Variants in TTC7B observed in about 807,000 individuals in gnomAD.
TTC7B encodes the protein tetratricopeptide repeat protein 7B.
TTC7B carries 28 observed loss-of-function variants against 106.8 expected under a neutral mutation model. The observed-to-expected ratio is 0.26, with a 90% CI of 0.19 to 0.36. TTC7B has a LOEUF of 0.36. TTC7B is among the 10% of genes least tolerant of loss of function. The pLI is 1.00. For synonymous variants in TTC7B, 405 were observed against 430.6 expected (o/e 0.94, Z 0.74); for missense variants, 862 against 1,076.4 (o/e 0.80, Z 2.79).
intron 3 of TTC7B, among the ~76,000 whole-genome samples, chr14:90,771,254 T>A (rs11621422): frequency 0.27 from 40,389 of 152,046 alleles, 6,163 homozygotes; most frequent in Non-Finnish European, 0.33. Flanking sequence ...AGTATATTTA[T>A]AATATAAAAA....
chr14:90,755,177 A>G (rs1890250263), intron 3 of TTC7B, among the ~76,000 whole-genome samples: 1 of 152,198 alleles, frequency 6.6e-6, no homozygotes, highest in Non-Finnish European at 1.5e-5. Flanking sequence ...GCATTGAGGT[A>G]TTGGCTCTTG....
intron 19 of TTC7B, among the ~76,000 whole-genome samples, chr14:90,556,579 A>G (rs1487885113): frequency 2.6e-5 from 4 of 152,150 alleles, no homozygotes; most frequent in Non-Finnish European, 5.9e-5. Context: ...ATCTTCCCCA[A>G]CAAGAAGTCA....
chr14:90,705,994 T>C lies in TTC7B; in HGVS notation c.699-10416A>G, dbSNP rs967270801. Among the ~76,000 whole-genome samples the C allele has an allele frequency of 2.6e-5, 4 of 152,188 alleles. No individual in the cohort carries two copies. In the East Asian group the frequency reaches 7.7e-4, roughly 29 times the overall value. ...CAATTTGGCAGCTAGATCCGCAGGC[T>C]TGATCAATTCAGGGTCGATCCCTTT... On this transcript the variant is annotated intron_variant, in intron 5 of 19. Coordinates refer to ENST00000328459, the MANE Select transcript of TTC7B (RefSeq NM_001010854.2).
At chr14:90,611,671 C>A (rs1425690571) in intron 16 of TTC7B, among the ~76,000 whole-genome samples, 2 of 152,138 alleles carry the variant, frequency 1.3e-5, no homozygotes, top group African/African-American at 4.8e-5. Flanking sequence ...ACTGAGTCCC[C>A]TCTCTAGCTT....
At chr14:90,641,491 G>T (rs985559024) in intron 15 of TTC7B, among the ~76,000 whole-genome samples, 2 of 152,192 alleles carry the variant, frequency 1.3e-5, no homozygotes, top group Non-Finnish European at 2.9e-5. Flanking sequence ...ATCTTGTTTC[G>T]GTTGGTGTTG....
rs141261473 is a variant in TTC7B at position 90,684,874 on chromosome 14, T to C, written c.951-4339A>G. 1.3e-3 allele frequency among the ~76,000 whole-genome samples: 192 copies of C among 152,150 alleles called. 2 individuals are homozygous for C. In the East Asian group the frequency reaches 0.033, roughly 26 times the overall value. On this transcript the variant is annotated intron_variant, in intron 7 of 19. Transcript: ENST00000328459. ...TATTTTTCTCTATGTATGGTGTGTA[T>C]CCAAAAAAGCTTACTCTAAAAAATA...
chr14:90,653,524 C>T (rs1885820602), intron 12 of TTC7B, among the ~76,000 whole-genome samples: 1 of 152,206 alleles, frequency 6.6e-6, no homozygotes, highest in African/African-American at 2.4e-5. Flanking sequence ...TGTGAATCAA[C>T]ACTTCCCCTG....
chr14:90,592,170 T>C (rs1407508240), intron 18 of TTC7B, among the ~76,000 whole-genome samples: 4 of 152,150 alleles, frequency 2.6e-5, no homozygotes, highest in African/African-American at 9.7e-5. Flanking sequence ...ATCATACGAT[T>C]AGCCTTGGCA....
At chr14:90,798,417 G>C (rs2030012618) in intron 1 of TTC7B, among the ~76,000 whole-genome samples, 1 of 152,160 alleles carries the variant, frequency 6.6e-6, no homozygotes, top group Admixed American at 6.5e-5. Context: ...ACACAAAAGA[G>C]GGTATATAGT....
At chr14:90,671,868 C>G (rs980274414) in intron 9 of TTC7B, among the ~76,000 whole-genome samples, 4 of 152,176 alleles carry the variant, frequency 2.6e-5, no homozygotes, top group Admixed American at 6.5e-5. Context: ...GGGAGAGCAG[C>G]CTTCCATCTT....
chr14:90,689,622 G>T lies in TTC7B; in HGVS notation c.868C>A (p.Pro290Thr), dbSNP rs1887387857. ...CCTTTGCGGAGAGGATCGTCCAGAG[G>T]TGACTGGCACGGTGGATCCTCCAGA... Reference protein sequence around the residue: ...NPLEDPPCQSPLDDPLRKGAN... With the variant: ...NPLEDPPCQSTLDDPLRKGAN... The change falls in exon 7 of 20, where the codon CCT (proline) becomes ACT (threonine). Residue 290 changes from proline (P) to threonine (T), a missense_variant. Transcript: ENST00000328459. 6 of 1,614,168 alleles carry T rather than the reference G, an allele frequency of 3.7e-6. No homozygotes were observed. Among genetic ancestry groups the T allele is most frequent in the Non-Finnish European group, 5.1e-6 (6 of 1,180,012 alleles).
chr14:90,676,212 C>T, intron 9 of TTC7B: 1 of 249,086 alleles, frequency 4.0e-6, no homozygotes, highest in Non-Finnish European at 7.5e-6. Context: ...AAATTAATAT[C>T]ACAGATGGGA....
At chr14:90,620,589 A>G (rs2139851743) in intron 15 of TTC7B, among the ~76,000 whole-genome samples, 2 of 152,314 alleles carry the variant, frequency 1.3e-5, no homozygotes, top group Middle Eastern at 3.4e-3. Flanking sequence ...TGGGGGGTCC[A>G]GGAAGCCGTG....
chr14:90,644,097 C>T lies in TTC7B; in HGVS notation c.1702G>A (p.Ala568Thr), dbSNP rs376366081. The change falls in exon 15 of 20, where the codon GCT (alanine) becomes ACT (threonine). Residue 568 changes from alanine to threonine, a missense_variant. Coordinates refer to ENST00000328459, the MANE Select transcript of TTC7B (RefSeq NM_001010854.2). ...LLSAQKHYHD[A>T]LNIIDMALSE... Reference sequence around the variant, plus strand: ...AGGGCCATGTCGATGATGTTCAGAGCGTCATGGTAATGCTTCTGTGCTGAC... The same window carrying T: ...AGGGCCATGTCGATGATGTTCAGAGTGTCATGGTAATGCTTCTGTGCTGAC... 2 of 1,613,912 alleles carry T rather than the reference C, an allele frequency of 1.2e-6. No individual in the cohort carries two copies. The highest frequency in any genetic ancestry group is 1.7e-6 in the Non-Finnish European group (2 of 1,180,024).
intron 9 of TTC7B, among the ~76,000 whole-genome samples, chr14:90,664,419 G>A (rs2003253): frequency 0.23 from 34,524 of 151,912 alleles, 4,206 homozygotes; most frequent in Non-Finnish European, 0.28. Flanking sequence ...ACAGGTGCCC[G>A]CCACCAGGCC....
intron 4 of TTC7B, among the ~76,000 whole-genome samples, chr14:90,731,552 A>C (rs1274963887): frequency 6.6e-6 from 1 of 152,210 alleles, no homozygotes; most frequent in Non-Finnish European, 1.5e-5. Flanking sequence ...CAACCCTTGC[A>C]TGTGAACCGG....
intron 17 of TTC7B, among the ~76,000 whole-genome samples, chr14:90,602,892 C>T (rs941317974): frequency 6.6e-6 from 1 of 152,164 alleles, no homozygotes; most frequent in African/African-American, 2.4e-5. Context: ...TTCCCTCTAC[C>T]TAAAATTTAC....
chr14:90,615,734 G>A (rs1893044106), intron 16 of TTC7B, among the ~76,000 whole-genome samples: 2 of 152,096 alleles, frequency 1.3e-5, no homozygotes, highest in African/African-American at 4.8e-5. Context: ...TAATGATAAG[G>A]GCTACAGGAG....
chr14:90,632,065 C>T (rs933841331), intron 15 of TTC7B, among the ~76,000 whole-genome samples: 1 of 152,200 alleles, frequency 6.6e-6, no homozygotes, highest in Admixed American at 6.5e-5. Flanking sequence ...TGTTGTCTTC[C>T]AGGCTGCCAC....
Sources: gnomAD v4.1 joint callset for allele counts (sites outside exome capture counted in the v4.1 genomes callset) on GRCh38, gnomAD v4.1.1 for gene constraint, MANE v1.5 for transcripts, NCBI Gene and HGNC (gene_info 2026-07-23, HGNC 2026-07-21) for gene names.